PCDH11X: variants seen among roughly 807,000 people sequenced by gnomAD.
The protein encoded by PCDH11X is protocadherin-11 X-linked.
In PCDH11X, 18 loss-of-function variants were observed where a neutral mutation model predicts 53.3. The observed-to-expected ratio is 0.34, with a 90% CI of 0.23 to 0.50. The LOEUF is 0.50. Among genes scored for constraint, PCDH11X ranks in the 20% least tolerant of loss-of-function variants. The pLI, the probability that PCDH11X is intolerant of heterozygous loss-of-function variation, is 0.98. For synonymous variants in PCDH11X, 279 were observed against 393.3 expected, an observed-to-expected ratio of 0.71 and a Z score of 3.44; for missense variants, 570 against 1,032.4, an observed-to-expected ratio of 0.55 and a Z score of 6.14.
intron 7 of PCDH11X, among the ~76,000 whole-genome samples, chrX:92,255,231 A>G (rs1474736955): frequency 9.3e-6 from 1 of 107,885 alleles, no homozygotes; most frequent in East Asian, 2.9e-4. Flanking sequence ...AGTTGATCGC[A>G]TCGGCTCCTG....
chrX:92,346,045 ATCT>A (rs1289851846), intron 8 of PCDH11X, among the ~76,000 whole-genome samples: 2 of 110,939 alleles, frequency 1.8e-5, no homozygotes, highest in African/African-American at 6.5e-5. Context: ...TAGGTTTTAG[ATCT>A]TCTTTTTCTT....
chrX:92,474,983 G>C (rs1210062459), intron 10 of PCDH11X, among the ~76,000 whole-genome samples: 1 of 103,634 alleles, frequency 9.6e-6, no homozygotes, highest in Non-Finnish European at 2.0e-5. Flanking sequence ...GGCTAAGACG[G>C]TGAAACCCCG....
intron 6 of PCDH11X, among the ~76,000 whole-genome samples, chrX:91,973,591 T>G (rs1225219297): frequency 2.4e-4 from 25 of 105,058 alleles, no homozygotes; most frequent in African/African-American, 8.3e-4. Context: ...AAAACCATAT[T>G]GCACACCATA....
intron 9 of PCDH11X, among the ~76,000 whole-genome samples, chrX:92,438,116 T>C (rs2072429775): frequency 8.9e-6 from 1 of 111,741 alleles, no homozygotes; most frequent in South Asian, 3.7e-4. Context: ...TTGAGAGTCG[T>C]ATATTCCATC....
intron 10 of PCDH11X, among the ~76,000 whole-genome samples, chrX:92,564,844 G>A (rs1921275130): frequency 9.0e-6 from 1 of 110,876 alleles, no homozygotes; most frequent in Non-Finnish European, 1.9e-5. Flanking sequence ...CCTGCAGAAT[G>A]TGAGAAAATA....
At chrX:92,171,110 C>G (rs919314271) in intron 6 of PCDH11X, among the ~76,000 whole-genome samples, 1 of 103,876 alleles carries the variant, frequency 9.6e-6, no homozygotes, top group African/African-American at 3.5e-5. Context: ...GGCCTAAAAA[C>G]TTGATTTTTA....
intron 5 of PCDH11X, among the ~76,000 whole-genome samples, chrX:91,845,109 G>A (rs1221050487): frequency 1.8e-5 from 2 of 111,622 alleles, no homozygotes; most frequent in Non-Finnish European, 3.8e-5. Context: ...ATTGCGTATA[G>A]ATATCAAAAA....
At chrX:92,401,960 A>C (rs1352556082) in intron 9 of PCDH11X, among the ~76,000 whole-genome samples, 1 of 112,077 alleles carries the variant, frequency 8.9e-6, no homozygotes, top group Non-Finnish European at 1.9e-5. Flanking sequence ...AGCTGGTTAC[A>C]TGAATTAATC....
At chrX:92,499,379 A>T (rs1195424677) in intron 10 of PCDH11X, among the ~76,000 whole-genome samples, 5 of 87,756 alleles carry the variant, frequency 5.7e-5, no homozygotes, top group African/African-American at 1.6e-4. Context: ...GCCTAGATAA[A>T]GGTGGTGGAT....
chrX:92,557,591 T>C (rs768418388), intron 10 of PCDH11X, among the ~76,000 whole-genome samples: 2 of 111,000 alleles, frequency 1.8e-5, no homozygotes, highest in East Asian at 5.7e-4. Context: ...AACAAGTCTC[T>C]GGGAAGTTCT....
intron 10 of PCDH11X, among the ~76,000 whole-genome samples, chrX:92,592,646 G>A (rs774785008): frequency 2.0e-3 from 218 of 111,427 alleles, no homozygotes; most frequent in African/African-American, 6.4e-3. Flanking sequence ...CAGGAGAATC[G>A]CTTGAACCGG....
intron 6 of PCDH11X, among the ~76,000 whole-genome samples, chrX:92,064,754 G>A (rs1337594623): frequency 1.8e-5 from 2 of 109,228 alleles, no homozygotes; most frequent in South Asian, 3.8e-4. Flanking sequence ...TTTTCTCCCC[G>A]GGGGAGGCAG....
intron 9 of PCDH11X, among the ~76,000 whole-genome samples, chrX:92,432,404 C>T (rs1185528266): frequency 1.8e-5 from 2 of 109,506 alleles, no homozygotes; most frequent in East Asian, 2.9e-4. Flanking sequence ...TATTCTCCAG[C>T]GTATGATATT....
chrX:91,847,170 A>G (rs1034144900), intron 5 of PCDH11X, among the ~76,000 whole-genome samples: 6 of 108,675 alleles, frequency 5.5e-5, no homozygotes, highest in African/African-American at 2.1e-4. Context: ...TGTGTGTATT[A>G]TAGAGACAGG....
chrX:92,546,760 A>G (rs1419006134), intron 10 of PCDH11X, among the ~76,000 whole-genome samples: 2 of 111,542 alleles, frequency 1.8e-5, no homozygotes, highest in Non-Finnish European at 3.8e-5. Context: ...CAATTATTTC[A>G]TCACTGCCCT....
In PCDH11X at chrX:91,987,704, C is replaced by T. The variant is rs377073258; in HGVS notation, c.3033+108431C>T. 5.4e-5 allele frequency among the ~76,000 whole-genome samples: 6 copies of T among 110,282 alleles called. No individual in the cohort carries two copies. The East Asian group carries it at 1.7e-3, about 32-fold the overall frequency. On this transcript the variant is annotated intron_variant, in intron 6 of 10. Transcript: ENST00000682573. Reference sequence around the variant, plus strand: ...CTCATTTTCATTTTGAGAAATACAACAAGAGTCAGAAAAAAAGAGAAACAA... The same window carrying T: ...CTCATTTTCATTTTGAGAAATACAATAAGAGTCAGAAAAAAAGAGAAACAA...
intron 7 of PCDH11X, among the ~76,000 whole-genome samples, chrX:92,257,184 C>T (rs151208138): frequency 0.06 from 6,701 of 110,763 alleles, 415 homozygotes; most frequent in African/African-American, 0.18. Context: ...TTTATAACAA[C>T]CATATCTCCT....
intron 6 of PCDH11X, among the ~76,000 whole-genome samples, chrX:91,890,441 T>C (rs967925804): frequency 7.0e-5 from 7 of 99,363 alleles, no homozygotes; most frequent in Non-Finnish European, 1.1e-4. Flanking sequence ...GTTTTTTTCT[T>C]TTAAAAAAAT....
intron 6 of PCDH11X, among the ~76,000 whole-genome samples, chrX:92,173,966 T>G (rs1467458667): frequency 1.4e-5 from 1 of 72,401 alleles, no homozygotes; most frequent in Non-Finnish European, 2.4e-5. Flanking sequence ...GCCTGGGTGA[T>G]AGAGTGAGAC....
Sources: allele counts gnomAD v4.1 joint callset (sites outside exome capture counted in the v4.1 genomes callset), GRCh38; gene constraint gnomAD v4.1.1; transcripts MANE v1.5; gene names NCBI Gene and HGNC (gene_info 2026-07-23, HGNC 2026-07-21).